SEPTIN12: variants seen among roughly 807,000 people sequenced by gnomAD.
SEPTIN12 encodes septin 12.
SEPTIN12 carries 42 observed loss-of-function variants against 37.7 expected under a neutral mutation model. The observed-to-expected ratio is 1.11, with a 90% confidence interval of 0.87 to 1.44. The LOEUF (loss-of-function observed/expected upper bound fraction) is 1.44. Ranked by LOEUF, SEPTIN12 falls within the 40% of genes most tolerant of loss-of-function variation. SEPTIN12 has a pLI of 0.00. For missense variants in SEPTIN12, 613 were observed against 479.2 expected (o/e 1.28, Z -2.61); for synonymous variants, 254 against 196.7 (o/e 1.29, Z -2.44).
intron 4 of SEPTIN12, among the ~76,000 whole-genome samples, chr16:4,784,824 C>T (rs994645812): frequency 6.6e-6 from 1 of 150,838 alleles, no homozygotes; most frequent in Non-Finnish European, 1.5e-5. Context: ...TAAAATGAAA[C>T]CAGGGCCAGG....
In SEPTIN12 at chr16:4,785,802, C is replaced by A; in HGVS notation, c.374+5G>T. On this transcript the variant is annotated splice_donor_5th_base_variant and intron_variant, in intron 4 of 9. Coordinates refer to ENST00000268231, the MANE Select transcript of SEPTIN12 (RefSeq NM_144605.5). ...TAAAAAAAAAAAAAAAGAGAGAGAA[C>A]CTACCAGTTGTCATTGTTGATCTGG... is the stretch of plus-strand genomic sequence containing the variant. 2 of 1,580,010 alleles carry A rather than the reference C, an allele frequency of 1.3e-6. No homozygotes were observed. The highest frequency in any genetic ancestry group is 1.7e-6 in the Non-Finnish European group (2 of 1,151,434).
rs545471691 is a variant in SEPTIN12, at chr16:4,787,622, G to A, written c.24C>T (p.Pro8=). The part of the protein sequence containing the change: MDPLRRS[P]SPCLSSQPSS... The stretch of plus-strand genomic sequence containing the variant: ...AGGGCTGCGAGGACAGGCAGGGAGA[G>A]GGGGAGCGCCTCAGGGGGTCCATGG... Residue 8 remains proline, a synonymous_variant, in exon 2 of 10, where the codon CCC becomes CCT. Coordinates refer to ENST00000268231, the MANE Select transcript of SEPTIN12 (RefSeq NM_144605.5). 1.0e-5 allele frequency: 16 copies of A among 1,598,552 alleles called. No homozygotes were observed. Among genetic ancestry groups the A allele is most frequent in the Admixed American group, 1.7e-5 (1 of 59,818 alleles).
chr16:4,786,314 G>A (rs116468499), intron 2 of SEPTIN12, among the ~76,000 whole-genome samples: 2,023 of 147,252 alleles, frequency 0.014, 54 homozygotes, highest in African/African-American at 0.048. Flanking sequence ...AGCTGGGACT[G>A]TAGGCACACG....
chr16:4,790,554 C>G (rs1466781077), upstream of SEPTIN12, among the ~76,000 whole-genome samples: 1 of 152,184 alleles, frequency 6.6e-6, no homozygotes, highest in African/African-American at 2.4e-5. Context: ...CTTCAGGAGG[C>G]CAAGGTGGGC....
At chr16:4,785,633 T>A in intron 4 of SEPTIN12, 174 bp downstream of exon 4, 1 of 582,526 alleles carries the variant, frequency 1.7e-6, no homozygotes, top group South Asian at 2.1e-5. Context: ...AAAAATTAGC[T>A]GGGCGTGGTG....
intron 7 of SEPTIN12, 24 bp from the exon 8 acceptor site, chr16:4,779,810 A>G (rs189041354): frequency 4.8e-4 from 726 of 1,526,942 alleles, no homozygotes; most frequent in Non-Finnish European, 5.5e-4. Context: ...AGACACAGAG[A>G]TGGGAGGATT....
At chr16:4,778,800 A>G (rs2082341100) in intron 8 of SEPTIN12, among the ~76,000 whole-genome samples, 2 of 151,306 alleles carry the variant, frequency 1.3e-5, no homozygotes, top group South Asian at 2.1e-4. Context: ...ACTCTGTCTC[A>G]AAAAAATATA....
At chr16:4,781,459 A>C (rs902964079) in intron 7 of SEPTIN12, among the ~76,000 whole-genome samples, 2 of 151,032 alleles carry the variant, frequency 1.3e-5, no homozygotes, top group African/African-American at 4.9e-5. Flanking sequence ...TCCCTTCCCC[A>C]CAGCCCCTGA....
chr16:4,789,735 A>G (rs1382179307), upstream of SEPTIN12, among the ~76,000 whole-genome samples: 1 of 152,042 alleles, frequency 6.6e-6, no homozygotes, highest in Admixed American at 6.6e-5. Context: ...CTGAGATTAC[A>G]GACGTGAACC....
chr16:4,783,685 G>A lies in SEPTIN12; in HGVS notation c.594C>T (p.Ser198=). 6.2e-7 allele frequency: 1 copy of A among 1,614,090 alleles called. No individual in the cohort carries two copies. The highest frequency in any genetic ancestry group is 8.5e-7 in the Non-Finnish European group (1 of 1,180,030). ...NVVPVIARAD[S]LTMEEREAFR... The stretch of plus-strand genomic sequence containing the variant: ...AGGCCTCTCGCTCCTCCATGGTCAG[G>A]CTGTCGGCCCTGGCAATCACGGGCA... The change falls in exon 6 of 10, where the codon AGC becomes AGT. Residue 198 remains serine (S), a synonymous_variant. Transcript: ENST00000268231.
chr16:4,779,677 G>C lies in SEPTIN12; in HGVS notation c.823+13C>G. 1 of 1,566,876 alleles carries C rather than the reference G, an allele frequency of 6.4e-7. No homozygotes were observed. The highest frequency in any genetic ancestry group is 8.8e-7 in the Non-Finnish European group (1 of 1,137,248). ...GACCCCACCTGCATCCTACCCAGGGGCCCCGCACTGACCTTCAATGATGCC... is the reference window on the plus strand; with the variant it reads ...GACCCCACCTGCATCCTACCCAGGGCCCCCGCACTGACCTTCAATGATGCC... On this transcript the variant is annotated intron_variant, in intron 8 of 9. Coordinates refer to ENST00000268231, the MANE Select transcript of SEPTIN12 (RefSeq NM_144605.5).
intron 2 of SEPTIN12, among the ~76,000 whole-genome samples, chr16:4,786,551 T>A (rs950337993): frequency 6.6e-6 from 1 of 151,520 alleles, no homozygotes; most frequent in Non-Finnish European, 1.5e-5. Flanking sequence ...GAGACGGGGT[T>A]TCACCATGTT....
Position 4,785,849 on chromosome 16 carries a change from G to C in SEPTIN12, c.332C>G (p.Thr111Arg). ...CTGGTCCCCGAAGCCGGGCGTGTCC[G>C]TCACCGTCAGCTTCAGCTTCACACC... ...EKGVKLKLTV[T>R]DTPGFGDQIN... The change falls in exon 4 of 10, where the codon ACG becomes AGG. Residue 111 changes from threonine to arginine, a missense_variant. Transcript: ENST00000268231. The C allele has an allele frequency of 1.2e-6, 2 of 1,612,598 alleles. No homozygotes were observed. Among genetic ancestry groups the C allele is most frequent in the Non-Finnish European group, 1.7e-6 (2 of 1,179,636 alleles).
At chr16:4,782,109 C>T (rs1214767569) in intron 7 of SEPTIN12, among the ~76,000 whole-genome samples, 3 of 151,854 alleles carry the variant, frequency 2.0e-5, no homozygotes, top group Non-Finnish European at 4.4e-5. Context: ...TGCCACCACA[C>T]GCAGCTAATT....
At chr16:4,784,260 C>G (rs1178643521) in intron 4 of SEPTIN12, 192 bp from the exon 5 acceptor site, 2 of 602,816 alleles carry the variant, frequency 3.3e-6, no homozygotes, top group Non-Finnish European at 5.9e-6. Context: ...GACCTCCTGC[C>G]ATTCTCGGCT....
At chr16:4,782,053 C>T (rs2082378254) in intron 7 of SEPTIN12, among the ~76,000 whole-genome samples, 1 of 146,498 alleles carries the variant, frequency 6.8e-6, no homozygotes, top group Non-Finnish European at 1.5e-5. Flanking sequence ...CAGGTTCAAG[C>T]AATTCTCCTG....
Position 4,787,674 on chromosome 16 carries a change from C to T in SEPTIN12, c.-22-7G>A. On this transcript the variant is annotated splice_polypyrimidine_tract_variant and splice_region_variant and intron_variant, in intron 1 of 9. Coordinates refer to ENST00000268231, the MANE Select transcript of SEPTIN12 (RefSeq NM_144605.5). ...GGCCAAGGGTTCGAGATGCCTGTCA[C>T]CAGGTGGGTGGGGAGAAGGGGGTCA... 1 of 1,365,330 alleles carries T rather than the reference C, an allele frequency of 7.3e-7. No individual in the cohort carries two copies. The highest frequency in any genetic ancestry group is 1.0e-6 in the Non-Finnish European group (1 of 989,596). The allele number at this position is 1,365,330 out of a possible 1,614,324, so 84.6% of individuals were successfully genotyped here.
intron 3 of SEPTIN12, 44 bp downstream of exon 3, chr16:4,785,936 G>C: frequency 1.9e-6 from 3 of 1,609,910 alleles, no homozygotes; most frequent in Non-Finnish European, 2.5e-6. Flanking sequence ...AGGTGGGATG[G>C]GGTGGGGCAG....
chr16:4,778,785 G>A (rs2082340950), intron 8 of SEPTIN12, among the ~76,000 whole-genome samples: 1 of 151,292 alleles, frequency 6.6e-6, no homozygotes, highest in African/African-American at 2.4e-5. Flanking sequence ...GAGTGACAAA[G>A]CAAGACTCTG....
Sources: allele counts gnomAD v4.1 joint callset (sites outside exome capture counted in the v4.1 genomes callset), GRCh38; gene constraint gnomAD v4.1.1; transcripts MANE v1.5; gene names NCBI Gene and HGNC (gene_info 2026-07-23, HGNC 2026-07-21).